The following FAXC variants were observed in gnomAD, a reference collection of about 807,000 sequenced individuals.
The protein encoded by FAXC is failed axon connections homolog, metaxin like GST domain containing.
A neutral mutation model predicts 41.9 loss-of-function variants in FAXC; 10 were observed. That is an observed-to-expected ratio of 0.24 (90% CI 0.15 to 0.41). The LOEUF (loss-of-function observed/expected upper bound fraction) is 0.41. FAXC is among the 10% of genes least tolerant of loss of function. FAXC has a pLI of 1.00. For synonymous variants in FAXC, 183 were observed against 183.8 expected, an observed-to-expected ratio of 1.00 and a Z score of 0.03; for missense variants, 399 against 510.9, an observed-to-expected ratio of 0.78 and a Z score of 2.11.
intron 3 of FAXC, among the ~76,000 whole-genome samples, chr6:99,326,315 C>T (rs547511761): frequency 7.2e-5 from 11 of 152,162 alleles, no homozygotes; most frequent in African/African-American, 2.7e-4. Context: ...AGAAGGAATC[C>T]ATAGGAGAAA....
chr6:99,300,780 A>G (rs1193697137), intron 4 of FAXC, among the ~76,000 whole-genome samples: 3 of 152,228 alleles, frequency 2.0e-5, no homozygotes, highest in African/African-American at 7.2e-5. Context: ...TTTATTCAAT[A>G]AAGACTATCT....
intron 4 of FAXC, among the ~76,000 whole-genome samples, chr6:99,322,536 G>C (rs919860091): frequency 1.3e-5 from 2 of 152,168 alleles, no homozygotes; most frequent in Non-Finnish European, 2.9e-5. Flanking sequence ...AGATGAGGGA[G>C]AGCCAGTGAA....
intron 4 of FAXC, among the ~76,000 whole-genome samples, chr6:99,321,767 A>G (rs536398225): frequency 1.3e-5 from 2 of 152,220 alleles, no homozygotes; most frequent in Non-Finnish European, 2.9e-5. Flanking sequence ...AGTTACCATT[A>G]TTATTGCTAT....
chr6:99,290,148 C>T (rs1257536368), intron 5 of FAXC, among the ~76,000 whole-genome samples: 2 of 151,352 alleles, frequency 1.3e-5, no homozygotes, highest in African/African-American at 4.9e-5. Flanking sequence ...TACACACACC[C>T]CAAGATCTGG....
intron 5 of FAXC, among the ~76,000 whole-genome samples, chr6:99,283,012 C>G (rs1015643620): frequency 1.3e-5 from 2 of 152,142 alleles, no homozygotes; most frequent in Non-Finnish European, 2.9e-5. Context: ...ACACTCTGAT[C>G]ACAGTGATAA....
intron 1 of FAXC, among the ~76,000 whole-genome samples, chr6:99,343,889 A>G (rs1483217096): frequency 2.0e-5 from 3 of 152,062 alleles, no homozygotes; most frequent in African/African-American, 7.2e-5. Context: ...CACAGCATGT[A>G]TTTCAGTACC....
chr6:99,292,104 C>T (rs1304334990), intron 4 of FAXC, among the ~76,000 whole-genome samples: 1 of 152,160 alleles, frequency 6.6e-6, no homozygotes, highest in African/African-American at 2.4e-5. Context: ...TGATCACCAC[C>T]AGACCTCTGG....
chr6:99,305,159 C>G (rs1267222860), intron 4 of FAXC, among the ~76,000 whole-genome samples: 1 of 152,026 alleles, frequency 6.6e-6, no homozygotes, highest in African/African-American at 2.4e-5. Flanking sequence ...TGAATTTTAG[C>G]CTAAGAGGAA....
At chr6:99,306,093 G>A (rs780723121) in intron 4 of FAXC, among the ~76,000 whole-genome samples, 2 of 152,056 alleles carry the variant, frequency 1.3e-5, no homozygotes, top group Non-Finnish European at 2.9e-5. Context: ...CTGTGGAAGC[G>A]CTATTTAGAC....
intron 4 of FAXC, among the ~76,000 whole-genome samples, chr6:99,311,766 G>T (rs1367254831): frequency 6.6e-6 from 1 of 152,036 alleles, no homozygotes; most frequent in African/African-American, 2.4e-5. Flanking sequence ...TCCCAATTGT[G>T]GACAGCTCTG....
At position 99,279,500 on chromosome 6, in the gene FAXC, G is replaced by C. The variant is rs170262; in HGVS notation, c.*1664C>G. On this transcript the variant is annotated 3_prime_UTR_variant, in exon 6 of 6. Transcript: ENST00000389677. ...TCAAGTAAAGTGCATGGATTTCTCA[G>C]AAGTTGCTGTATTTTAAGAAGTGCC... The C allele has an allele frequency of 1.3e-5, 2 of 151,214 alleles. No homozygotes were observed. Among genetic ancestry groups the C allele is most frequent in the African/African-American group, 2.4e-5 (1 of 41,102 alleles). 9.4% of individuals were successfully genotyped at this position (151,214 alleles called of 1,614,324 possible).
At chr6:99,305,195 A>G (rs563607029) in intron 4 of FAXC, among the ~76,000 whole-genome samples, 222 of 152,332 alleles carry the variant, frequency 1.5e-3, no homozygotes, top group African/African-American at 5.2e-3. Context: ...TCTAGTCTGC[A>G]TTTCAAGGTA....
At chr6:99,297,819 T>C (rs1370583988) in intron 4 of FAXC, among the ~76,000 whole-genome samples, 2 of 152,182 alleles carry the variant, frequency 1.3e-5, no homozygotes, top group African/African-American at 2.4e-5. Flanking sequence ...GACCAAGTCC[T>C]ACCTCCTCCA....
Position 99,312,361 on chromosome 6 carries a change from A to G in FAXC, c.823+11083T>C, listed in dbSNP as rs138089408. On this transcript the variant is annotated intron_variant, in intron 4 of 5. Coordinates refer to ENST00000389677, the MANE Select transcript of FAXC (RefSeq NM_032511.4). ...CTCCAACCTGGTGACACCAATGCAC[A>G]CTGTTCAGCTCTTCAGAGCATTCTC... 1.8e-3 allele frequency among the ~76,000 whole-genome samples: 280 copies of G among 152,338 alleles called. 1 individual carries two copies. Among genetic ancestry groups the G allele is most frequent in the African/African-American group, 6.3e-3 (264 of 41,584 alleles).
chr6:99,311,104 T>G (rs1239054819), intron 4 of FAXC, among the ~76,000 whole-genome samples: 5 of 152,232 alleles, frequency 3.3e-5, no homozygotes, highest in Non-Finnish European at 7.3e-5. Flanking sequence ...GGATGTAGAG[T>G]AGTGCTGTAA....
intron 1 of FAXC, 81 bp downstream of exon 1, chr6:99,349,026 C>T: frequency 4.3e-6 from 6 of 1,380,378 alleles, no homozygotes; most frequent in Non-Finnish European, 6.0e-6. Context: ...GAGGGGCTGG[C>T]ACGGGCCCCT....
chr6:99,308,321 A>G (rs372076951), intron 4 of FAXC, among the ~76,000 whole-genome samples: 2 of 152,238 alleles, frequency 1.3e-5, no homozygotes, highest in East Asian at 3.8e-4. Context: ...CTTACAAGTG[A>G]TTAAAGAATC....
At chr6:99,329,634 C>T (rs998928700) in intron 3 of FAXC, among the ~76,000 whole-genome samples, 2 of 151,980 alleles carry the variant, frequency 1.3e-5, no homozygotes, top group South Asian at 2.1e-4. Flanking sequence ...CAGGGGCCCT[C>T]GCTACATCTA....
chr6:99,340,042 A>T (rs1036572136), intron 2 of FAXC, among the ~76,000 whole-genome samples: 2 of 152,180 alleles, frequency 1.3e-5, no homozygotes, highest in African/African-American at 4.8e-5. Context: ...GAATATTAAG[A>T]TTAAATACAA....
Sources: allele counts gnomAD v4.1 joint callset (sites outside exome capture counted in the v4.1 genomes callset), GRCh38; gene constraint gnomAD v4.1.1; transcripts MANE v1.5; gene names NCBI Gene and HGNC (gene_info 2026-07-23, HGNC 2026-07-21).